The following CORO2A variants were observed in gnomAD, a reference collection of about 807,000 sequenced individuals.
CORO2A encodes the protein coronin 2A, also known as coronin-2A.
In CORO2A, 47 loss-of-function variants were observed where a neutral mutation model predicts 62.4. The ratio of observed to expected loss-of-function variants is 0.75; its 90% CI spans 0.60 to 0.96. The LOEUF (loss-of-function observed/expected upper bound fraction) is 0.96, where lower values mean the gene tolerates loss of function less well. Among genes scored for constraint, CORO2A ranks in the 40% least tolerant of loss-of-function variants. The pLI is 0.00. For missense variants in CORO2A, 610 were observed against 684.1 expected (o/e 0.89, Z 1.21); for synonymous variants, 273 against 268.9 (o/e 1.02, Z -0.15).
intron 1 of CORO2A, among the ~76,000 whole-genome samples, chr9:98,161,598 G>A (rs1365648954): frequency 1.3e-5 from 2 of 152,222 alleles, no homozygotes; most frequent in East Asian, 1.9e-4. Context: ...AGGGGAGATA[G>A]AGGACCAGAT....
chr9:98,167,103 CAAAA>C (rs35581733), intron 1 of CORO2A, among the ~76,000 whole-genome samples: 1 of 98,866 alleles, frequency 1.0e-5, no homozygotes, highest in Non-Finnish European at 2.2e-5. Context: ...GATCCTGTCT[CAAAA>C]AAAAAAAAAA....
At chr9:98,145,540 T>C (rs1827633891) in intron 2 of CORO2A, among the ~76,000 whole-genome samples, 1 of 152,156 alleles carries the variant, frequency 6.6e-6, no homozygotes, top group Non-Finnish European at 1.5e-5. Flanking sequence ...GGAACAGATA[T>C]GTGCTATGGA....
At chr9:98,126,284 T>C (rs1345965233) in intron 11 of CORO2A, among the ~76,000 whole-genome samples, 1 of 152,152 alleles carries the variant, frequency 6.6e-6, no homozygotes, top group African/African-American at 2.4e-5. Flanking sequence ...TCTGCCCGCC[T>C]TGGCCTCCCA....
chr9:98,180,542 G>C (rs1383667140), intron 1 of CORO2A, among the ~76,000 whole-genome samples: 4 of 152,066 alleles, frequency 2.6e-5, no homozygotes, highest in African/African-American at 9.7e-5. Context: ...CTGAGCCTCA[G>C]TTTCATCTCC....
intron 1 of CORO2A, among the ~76,000 whole-genome samples, chr9:98,172,075 G>T (rs575464323): frequency 1.5e-3 from 225 of 152,028 alleles, no homozygotes; most frequent in African/African-American, 5.3e-3. Context: ...AGGAGGGAGA[G>T]AATTCTGAGG....
At chr9:98,135,241 G>A (rs1021626896) in intron 3 of CORO2A, among the ~76,000 whole-genome samples, 2 of 152,192 alleles carry the variant, frequency 1.3e-5, no homozygotes, top group Non-Finnish European at 1.5e-5. Flanking sequence ...TTGTCATCCT[G>A]CTGGCCTGAG....
chr9:98,156,971 G>T (rs1412980508), intron 2 of CORO2A, among the ~76,000 whole-genome samples: 1 of 152,096 alleles, frequency 6.6e-6, no homozygotes, highest in Non-Finnish European at 1.5e-5. Context: ...TTGCTTTTTT[G>T]GGGTCAAACC....
chr9:98,152,135 T>TTTTTG (rs1554744743), intron 2 of CORO2A, among the ~76,000 whole-genome samples: 121 of 151,160 alleles, frequency 8.0e-4, no homozygotes, highest in African/African-American at 2.9e-3. Context: ...TGTTTTTTTT[T>TTTTTG]TTTGTTTTTT....
rs183116352 is a variant in CORO2A, at chr9:98,126,598, G to A, written c.1397C>T (p.Thr466Ile). ...HRLEEKKTWL[T>I]NGFDVFECPP... ...GCATTCGAAAACGTCAAAGCCATTT[G>A]TCAGCCAGGTTTTCTTCTCCTCCAG... Residue 466 changes from threonine (T) to isoleucine (I), a missense_variant, in exon 11 of 12, where the codon ACA (threonine) becomes ATA (isoleucine). By Grantham distance (89) the Thr-to-Ile change is moderately conservative. Coordinates refer to ENST00000375077, the MANE Select transcript of CORO2A (RefSeq NM_052820.4). The A allele has an allele frequency of 4.3e-6, 7 of 1,614,000 alleles. No homozygotes were observed. The South Asian group carries it at 7.7e-5, about 18-fold the overall frequency.
intron 2 of CORO2A, among the ~76,000 whole-genome samples, chr9:98,139,045 C>CAAAA (rs60779052): frequency 9.7e-6 from 1 of 103,362 alleles, no homozygotes; most frequent in African/African-American, 3.7e-5. Context: ...GATTCTGTCT[C>CAAAA]AAAAAAAAAA....
chr9:98,134,287 C>T (rs952167804), intron 4 of CORO2A, among the ~76,000 whole-genome samples: 11 of 152,136 alleles, frequency 7.2e-5, no homozygotes, highest in African/African-American at 2.4e-4. Flanking sequence ...ATCTACAGGG[C>T]CTACTGCCTG....
rs1827246736 is a variant in CORO2A, at chr9:98,121,646, C to G, written c.*3128G>C. 1 of 152,206 alleles carries G rather than the reference C, an allele frequency of 6.6e-6. No homozygotes were observed. Among genetic ancestry groups the G allele is most frequent in the Non-Finnish European group, 1.5e-5 (1 of 68,060 alleles). The allele number at this position is 152,206 out of a possible 1,614,324, so 9.4% of individuals were successfully genotyped here. A position where few individuals can be genotyped will look rare whatever the true frequency, so the allele number is the denominator to read the frequency against. On this transcript the variant is annotated 3_prime_UTR_variant, in exon 12 of 12. Coordinates refer to ENST00000375077, the MANE Select transcript of CORO2A (RefSeq NM_052820.4). ...GTGCAGAGGCATACCGGGAAGCTCT[C>G]TGGATGCAACCCCACCTCTACCGCT...
At chr9:98,188,391 T>C (rs1828263806) in intron 1 of CORO2A, among the ~76,000 whole-genome samples, 1 of 152,232 alleles carries the variant, frequency 6.6e-6, no homozygotes, top group Non-Finnish European at 1.5e-5. Flanking sequence ...CCCATCTGAT[T>C]GTAAGCTCTT....
chr9:98,133,817 G>T (rs866160702), intron 4 of CORO2A, among the ~76,000 whole-genome samples: 13 of 152,176 alleles, frequency 8.5e-5, no homozygotes, highest in African/African-American at 2.7e-4. Context: ...ACAGTGGCAT[G>T]ATCATGGCTC....
intron 1 of CORO2A, among the ~76,000 whole-genome samples, chr9:98,176,399 G>A (rs967902662): frequency 8.5e-5 from 13 of 152,212 alleles, no homozygotes; most frequent in Non-Finnish European, 1.6e-4. Context: ...TACCAGTCTA[G>A]TGATGGGGAG....
intron 1 of CORO2A, among the ~76,000 whole-genome samples, chr9:98,169,460 A>G (rs1828004729): frequency 7.0e-6 from 1 of 141,960 alleles, no homozygotes; most frequent in Non-Finnish European, 1.5e-5. Flanking sequence ...CTCCCAGGCC[A>G]TGCCAAGGCC....
Position 98,124,673 on chromosome 9 carries a change from T to G in CORO2A, c.*101A>C. 1 of 1,182,136 alleles carries G rather than the reference T, an allele frequency of 8.5e-7. No individual in the cohort carries two copies. The highest frequency in any genetic ancestry group is 1.1e-6 in the Non-Finnish European group (1 of 898,282). 73.2% of individuals were successfully genotyped at this position (1,182,136 alleles called of 1,614,324 possible). A position where few individuals can be genotyped will look rare whatever the true frequency, so the allele number is the denominator to read the frequency against. ...GAGTTTTGTTTTCTGGTAAAAAATATAGAAATAGTGGTTGTCCTTGAGGGG... is the reference window on the plus strand; with the variant it reads ...GAGTTTTGTTTTCTGGTAAAAAATAGAGAAATAGTGGTTGTCCTTGAGGGG... On this transcript the variant is annotated 3_prime_UTR_variant, in exon 12 of 12. Transcript: ENST00000375077.
intron 1 of CORO2A, 32 bp from the exon 2 acceptor site, chr9:98,157,692 G>A (rs538818019): frequency 6.3e-7 from 1 of 1,581,524 alleles, no homozygotes; most frequent in African/African-American, 1.3e-5. Flanking sequence ...AAGGGTATGA[G>A]GCTCACTGCC....
At chr9:98,180,810 G>T (rs533747548) in intron 1 of CORO2A, among the ~76,000 whole-genome samples, 39 of 152,196 alleles carry the variant, frequency 2.6e-4, no homozygotes, top group African/African-American at 8.9e-4. Context: ...GGCCCTGGAA[G>T]CCACAACCAG....
Sources: gnomAD v4.1 joint callset for allele counts (sites outside exome capture counted in the v4.1 genomes callset) on GRCh38, gnomAD v4.1.1 for gene constraint, MANE v1.5 for transcripts, NCBI Gene and HGNC (gene_info 2026-07-23, HGNC 2026-07-21) for gene names.